The following LRPAP1 variants were observed in gnomAD, a reference collection of about 807,000 sequenced individuals.
LRPAP1 encodes the protein LDL receptor related protein associated protein 1.
Under a neutral mutation model 39.9 loss-of-function variants are expected in LRPAP1, and 41 were observed. The ratio of observed to expected loss-of-function variants is 1.03; its 90% CI spans 0.80 to 1.33. The LOEUF (loss-of-function observed/expected upper bound fraction) is 1.33. Among genes scored for constraint, LRPAP1 ranks in the 40% most tolerant of loss-of-function variants. The probability of loss-of-function intolerance (pLI) is 0.00; values close to 1 mark genes in which losing one functional copy is unlikely to be tolerated. For missense variants in LRPAP1, 565 were observed against 482.3 expected, an observed-to-expected ratio of 1.17 and a Z score of -1.61; for synonymous variants, 263 against 212.7, an observed-to-expected ratio of 1.24 and a Z score of -2.06.
chr4:3,529,937 C>T (rs530424218), intron 1 of LRPAP1, among the ~76,000 whole-genome samples: 3 of 152,312 alleles, frequency 2.0e-5, no homozygotes, highest in Admixed American at 6.5e-5. Context: ...GAGCGCAGGT[C>T]GCAGGAGGCT....
intron 1 of LRPAP1, among the ~76,000 whole-genome samples, chr4:3,530,813 G>C (rs753667010): frequency 2.0e-5 from 3 of 152,236 alleles, no homozygotes; most frequent in Non-Finnish European, 4.4e-5. Context: ...CTGCAGAGCA[G>C]GTGGAAGACT....
chr4:3,506,500 G>T lies in LRPAP1; in HGVS notation c.*6474C>A, dbSNP rs1005479948. 4.6e-5 allele frequency: 7 copies of T among 151,840 alleles called. No individual in the cohort carries two copies. Among genetic ancestry groups the T allele is most frequent in the Non-Finnish European group, 8.8e-5 (6 of 68,082 alleles). 9.4% of individuals were successfully genotyped at this position (151,840 alleles called of 1,614,324 possible). ...CCATTCTCCTGCCTCAGCCTCCCAAGTAGCTGGGATTACAGGTGCCTGCCA... is the reference window on the plus strand; with the variant it reads ...CCATTCTCCTGCCTCAGCCTCCCAATTAGCTGGGATTACAGGTGCCTGCCA... On this transcript the variant is annotated 3_prime_UTR_variant, in exon 8 of 8. Transcript: ENST00000650182.
In LRPAP1 at chr4:3,505,188, C is replaced by T. The variant is rs1289173152; in HGVS notation, c.*7786G>A. ...TCACGGACACGAGGAAGAAGGGCGACCGTGTCCTGGACAGCCCAGCTCGAG... is the reference window on the plus strand; with the variant it reads ...TCACGGACACGAGGAAGAAGGGCGATCGTGTCCTGGACAGCCCAGCTCGAG... On this transcript the variant is annotated 3_prime_UTR_variant, in exon 8 of 8. Transcript: ENST00000650182. Among the ~76,000 whole-genome samples the T allele has an allele frequency of 6.6e-6, 1 of 152,226 alleles. No homozygotes were observed. The highest frequency in any genetic ancestry group is 6.5e-5 in the Admixed American group (1 of 15,292).
Position 3,512,805 on chromosome 4 carries a change from C to T in LRPAP1, c.*169G>A. On this transcript the variant is annotated 3_prime_UTR_variant, in exon 8 of 8. Transcript: ENST00000650182. ...ACCCAAATGCTACCACCACCAAGCC[C>T]TGTGTCGCGACGGCAGCGGCTGCAG... 2 of 609,130 alleles carry T rather than the reference C, an allele frequency of 3.3e-6. No individual in the cohort carries two copies. Among genetic ancestry groups the T allele is most frequent in the Non-Finnish European group, 5.8e-6 (2 of 344,890 alleles). 37.7% of individuals were successfully genotyped at this position (609,130 alleles called of 1,614,324 possible). A position where few individuals can be genotyped will look rare whatever the true frequency, so the allele number is the denominator to read the frequency against.
chr4:3,520,021 C>T (rs2108691301), intron 3 of LRPAP1, 51 bp downstream of exon 3: 2 of 1,594,514 alleles, frequency 1.3e-6, no homozygotes, highest in East Asian at 2.2e-5. Context: ...CGCCTTAACA[C>T]TCAACGTAAC....
At position 3,516,193 on chromosome 4, in the gene LRPAP1, C is replaced by G; in HGVS notation, c.757G>C (p.Glu253Gln). The G allele has an allele frequency of 1.9e-6, 3 of 1,570,868 alleles. No individual in the cohort carries two copies. The highest frequency in any genetic ancestry group is 1.3e-5 in the African/African-American group (1 of 74,362). ...CACAGGTCAATCACCCTGGGCTCCT[C>G]GAACTCTGCAGGGGAGGAGCAAGAG... The part of the protein sequence containing the change: ...HQGYSTEAEF[E>Q]EPRVIDLWDL... The change falls in exon 6 of 8, where the codon GAG becomes CAG. Residue 253 changes from glutamate (E) to glutamine (Q), a missense_variant. By Grantham distance (29) the Glu-to-Gln change is conservative. Coordinates refer to ENST00000650182, the MANE Select transcript of LRPAP1 (RefSeq NM_002337.4).
At chr4:3,523,953 G>GGTCACACA (rs1170630319) in intron 2 of LRPAP1, among the ~76,000 whole-genome samples, 1 of 152,102 alleles carries the variant, frequency 6.6e-6, no homozygotes, top group African/African-American at 2.4e-5. Context: ...CGGGGGCCCA[G>GGTCACACA]GTCACACAGG....
Position 3,511,487 on chromosome 4 carries a change from AC to A in LRPAP1, c.*1486del. On this transcript the variant is annotated 3_prime_UTR_variant, in exon 8 of 8. Coordinates refer to ENST00000650182, the MANE Select transcript of LRPAP1 (RefSeq NM_002337.4). ...ATGGGAAAAAAAAGAACCAGAATCC[AC>A]CCCCCGCCCCACCAGCCACACACAC... 1 of 151,410 alleles carries A rather than the reference AC, an allele frequency of 6.6e-6. No homozygotes were observed. Among genetic ancestry groups the A allele is most frequent in the Non-Finnish European group, 1.5e-5 (1 of 67,720 alleles). 9.4% of individuals were successfully genotyped at this position (151,410 alleles called of 1,614,324 possible). A position where few individuals can be genotyped will look rare whatever the true frequency, so the allele number is the denominator to read the frequency against.
Position 3,504,362 on chromosome 4 carries a change from C to T in LRPAP1, c.*8612G>A, listed in dbSNP as rs1729289170. On this transcript the variant is annotated 3_prime_UTR_variant, in exon 8 of 8. Coordinates refer to ENST00000650182, the MANE Select transcript of LRPAP1 (RefSeq NM_002337.4). ...GGCACAGAAGCTCATGCCTGTAATC[C>T]CAGCACTTTGGGCAGCCGAGGTGGG... The T allele has an allele frequency of 6.6e-6, 1 of 152,278 alleles. No homozygotes were observed. Among genetic ancestry groups the T allele is most frequent in the Admixed American group, 6.5e-5 (1 of 15,276 alleles). 9.4% of individuals were successfully genotyped at this position (152,278 alleles called of 1,614,324 possible).
intron 1 of LRPAP1, among the ~76,000 whole-genome samples, chr4:3,526,366 T>A (rs1730078811): frequency 6.6e-6 from 1 of 152,238 alleles, no homozygotes; most frequent in Non-Finnish European, 1.5e-5. Context: ...CATGTGTGTT[T>A]AAATATGGAG....
intron 2 of LRPAP1, among the ~76,000 whole-genome samples, chr4:3,523,185 T>C (rs1311900765): frequency 6.6e-6 from 1 of 152,140 alleles, no homozygotes; most frequent in Non-Finnish European, 1.5e-5. Flanking sequence ...TTAGCCCACT[T>C]CTGTGCCCCC....
chr4:3,512,776 T>A lies in LRPAP1; in HGVS notation c.*198A>T, dbSNP rs1729569008. 3.4e-6 allele frequency: 2 copies of A among 587,140 alleles called. No individual in the cohort carries two copies. Among genetic ancestry groups the A allele is most frequent in the Non-Finnish European group, 6.1e-6 (2 of 329,468 alleles). 36.4% of individuals were successfully genotyped at this position (587,140 alleles called of 1,614,324 possible). A position where few individuals can be genotyped will look rare whatever the true frequency, so the allele number is the denominator to read the frequency against. On this transcript the variant is annotated 3_prime_UTR_variant, in exon 8 of 8. Coordinates refer to ENST00000650182, the MANE Select transcript of LRPAP1 (RefSeq NM_002337.4). ...CCCTTCAGTCAGAGCTGGGCCGATC[T>A]CAGACCCAAATGCTACCACCACCAA...
At chr4:3,528,811 T>C (rs1730153859) in intron 1 of LRPAP1, among the ~76,000 whole-genome samples, 1 of 152,162 alleles carries the variant, frequency 6.6e-6, no homozygotes, top group African/African-American at 2.4e-5. Flanking sequence ...CTTGAGCTGC[T>C]GTGAGGTCAT....
intron 5 of LRPAP1, among the ~76,000 whole-genome samples, chr4:3,516,675 G>A (rs931047806): frequency 4.6e-5 from 7 of 152,288 alleles, no homozygotes; most frequent in East Asian, 1.9e-4. Flanking sequence ...TCAAACATTC[G>A]GGCTCCTGGG....
At chr4:3,513,116 C>G in intron 7 of LRPAP1, 80 bp from the exon 8 acceptor site, 1 of 1,110,972 alleles carries the variant, frequency 9.0e-7, no homozygotes, top group Non-Finnish European at 1.3e-6. Flanking sequence ...TGTCAGGAGA[C>G]GCGCGATCCA....
intron 7 of LRPAP1, 61 bp downstream of exon 7, chr4:3,514,691 G>A (rs1729634689): frequency 2.0e-6 from 3 of 1,533,006 alleles, no homozygotes; most frequent in Non-Finnish European, 2.6e-6. Flanking sequence ...GCTGCATGTG[G>A]GCGGCCTCAT....
rs1237556376 is a variant in LRPAP1 at position 3,518,949 on chromosome 4, G to C, written c.514C>G (p.Leu172Val). 6.2e-7 allele frequency: 1 copy of C among 1,613,972 alleles called. No individual in the cohort carries two copies. The change falls in exon 4 of 8, where the codon CTC becomes GTC. Residue 172 changes from leucine to valine, a missense_variant. Leu to Val is a conservative substitution (Grantham distance 32). Transcript: ENST00000650182. Reference protein sequence around the residue: ...GKFSGEELDKLWREFLHHKEK... With the variant: ...GKFSGEELDKVWREFLHHKEK... The stretch of plus-strand genomic sequence containing the variant: ...TTGTGATGCAGGAACTCCCGCCAGA[G>C]CTTGTCCAGTTCTTCGCCGGAGAAT...
At chr4:3,517,842 G>C (rs934870604) in intron 5 of LRPAP1, 192 bp downstream of exon 5, 1 of 580,788 alleles carries the variant, frequency 1.7e-6, no homozygotes, top group South Asian at 3.0e-5. Context: ...TGGGGACGGC[G>C]AGTGACCTTC....
In LRPAP1 at chr4:3,505,043, GT is replaced by G. The variant is rs1253133716; in HGVS notation, c.*7930del. Among the ~76,000 whole-genome samples the G allele has an allele frequency of 4.6e-5, 7 of 152,352 alleles. No homozygotes were observed. In the East Asian group the frequency reaches 1.3e-3, roughly 29 times the overall value. On this transcript the variant is annotated 3_prime_UTR_variant, in exon 8 of 8. Coordinates refer to ENST00000650182, the MANE Select transcript of LRPAP1 (RefSeq NM_002337.4). ...CAGACCATTGGAGACTTTAGGGATGGTTAGTGATACCAGAGGCTAAAATAAT... is the reference window on the plus strand; with the variant it reads ...CAGACCATTGGAGACTTTAGGGATGGTAGTGATACCAGAGGCTAAAATAAT...
Sources: allele counts gnomAD v4.1 joint callset (sites outside exome capture counted in the v4.1 genomes callset), GRCh38; gene constraint gnomAD v4.1.1; transcripts MANE v1.5; gene names NCBI Gene and HGNC (gene_info 2026-07-23, HGNC 2026-07-21).